MAGI1: variants seen among roughly 807,000 people sequenced by gnomAD.
MAGI1 encodes membrane-associated guanylate kinase, WW and PDZ domain-containing protein 1.
Under a neutral mutation model 139.9 loss-of-function variants are expected in MAGI1, and 58 were observed. The ratio of observed to expected loss-of-function variants is 0.41; its 90% CI spans 0.34 to 0.52. MAGI1 has a LOEUF of 0.52. Among genes scored for constraint, MAGI1 ranks in the 20% least tolerant of loss-of-function variants. The pLI, the probability that MAGI1 is intolerant of heterozygous loss-of-function variation, is 0.12. For missense variants in MAGI1, 1,874 were observed against 1,901.6 expected (o/e 0.99, Z 0.27); for synonymous variants, 812 against 737.9 (o/e 1.10, Z -1.63).
intron 9 of MAGI1, 96 bp downstream of exon 9, chr3:65,439,783 T>A: frequency 1.9e-6 from 3 of 1,581,526 alleles, no homozygotes; most frequent in Middle Eastern, 4.6e-4. Flanking sequence ...GAGGACTCAA[T>A]CATCGAGGCC....
intron 1 of MAGI1, among the ~76,000 whole-genome samples, chr3:65,792,988 T>C (rs1226462742): frequency 5.3e-5 from 8 of 152,146 alleles, no homozygotes; most frequent in African/African-American, 1.7e-4. Context: ...GTAGGAGAAA[T>C]AGGGCATTTG....
intron 2 of MAGI1, among the ~76,000 whole-genome samples, chr3:65,568,055 A>G (rs1006553448): frequency 2.6e-5 from 4 of 152,166 alleles, no homozygotes; most frequent in African/African-American, 9.7e-5. Context: ...CTTTCAAAGC[A>G]CAGTCCTAAG....
intron 1 of MAGI1, among the ~76,000 whole-genome samples, chr3:65,957,212 T>G (rs1288513382): frequency 6.6e-6 from 1 of 151,898 alleles, no homozygotes; most frequent in Non-Finnish European, 1.5e-5. Context: ...CATGCTATAG[T>G]ATTATACAGA....
chr3:65,964,433 G>A (rs2064631005), intron 1 of MAGI1, among the ~76,000 whole-genome samples: 1 of 147,212 alleles, frequency 6.8e-6, no homozygotes, highest in Non-Finnish European at 1.5e-5. Flanking sequence ...GTCATAGAGA[G>A]AAGAACACTT....
At chr3:65,968,472 T>A (rs574870348) in intron 1 of MAGI1, among the ~76,000 whole-genome samples, 2 of 152,058 alleles carry the variant, frequency 1.3e-5, no homozygotes, top group African/African-American at 4.8e-5. Flanking sequence ...TTGGTGCTGA[T>A]GGAAAAAGAG....
At chr3:65,610,257 T>C (rs1293644177) in intron 2 of MAGI1, among the ~76,000 whole-genome samples, 2 of 151,860 alleles carry the variant, frequency 1.3e-5, no homozygotes, top group African/African-American at 4.9e-5. Context: ...AGCTCGCCTC[T>C]GGGAGAACTA....
In MAGI1 at chr3:65,375,959, G is replaced by A. The variant is rs767102982; in HGVS notation, c.2996-14C>T. 4 of 1,605,450 alleles carry A rather than the reference G, an allele frequency of 2.5e-6. No individual in the cohort carries two copies. The highest frequency in any genetic ancestry group is 3.4e-6 in the Non-Finnish European group (4 of 1,173,846). ...CACATGCATTGCCTGCTTTGATATT[G>A]AGTTTTAATTTTTTTAAAGTTACGT... On this transcript the variant is annotated splice_polypyrimidine_tract_variant and intron_variant, in intron 17 of 22. Transcript: ENST00000402939.
At chr3:66,022,234 C>T (rs1054633468) in intron 1 of MAGI1, among the ~76,000 whole-genome samples, 4 of 152,118 alleles carry the variant, frequency 2.6e-5, no homozygotes, top group African/African-American at 9.7e-5. Context: ...ACATTTTTAG[C>T]TAAAATGTCG....
At chr3:65,851,520 G>C (rs1408085841) in intron 1 of MAGI1, among the ~76,000 whole-genome samples, 1 of 152,102 alleles carries the variant, frequency 6.6e-6, no homozygotes, top group Non-Finnish European at 1.5e-5. Flanking sequence ...AGGCCGAGGT[G>C]GGCGGATCAC....
rs571060062 is a variant in MAGI1 at position 65,379,553 on chromosome 3, C to T, written c.2703G>A (p.Val901=). ...LTVRRKVVFA[V]PKTENEVPSP... ...AGGGCACCTCGTTCTCGGTTTTGGG[C>T]ACTGTAGCAGAGAGATGCACGCGTA... The change falls in exon 17 of 23, where the codon GTG becomes GTA. Residue 901 remains valine (V), a splice_region_variant and synonymous_variant. Transcript: ENST00000402939. 2 of 1,607,842 alleles carry T rather than the reference C, an allele frequency of 1.2e-6. No individual in the cohort carries two copies. Among genetic ancestry groups the T allele is most frequent in the Admixed American group, 3.3e-5 (2 of 59,884 alleles).
intron 1 of MAGI1, among the ~76,000 whole-genome samples, chr3:65,953,376 T>G (rs2063958499): frequency 6.6e-6 from 1 of 152,160 alleles, no homozygotes; most frequent in Non-Finnish European, 1.5e-5. Flanking sequence ...TTTCCACTCT[T>G]ATCTAAAATA....
At chr3:65,997,639 G>A (rs2066520194) in intron 1 of MAGI1, among the ~76,000 whole-genome samples, 1 of 152,068 alleles carries the variant, frequency 6.6e-6, no homozygotes, top group African/African-American at 2.4e-5. Context: ...CTGGGCGACA[G>A]AGCAAGACTC....
chr3:65,983,648 C>T (rs569852969), intron 1 of MAGI1, among the ~76,000 whole-genome samples: 1 of 152,288 alleles, frequency 6.6e-6, no homozygotes, highest in South Asian at 2.1e-4. Flanking sequence ...TTCCCCACCC[C>T]TCCTTATCTC....
chr3:65,389,829 T>C (rs1184622536), intron 14 of MAGI1, among the ~76,000 whole-genome samples: 3 of 152,200 alleles, frequency 2.0e-5, no homozygotes, highest in Non-Finnish European at 4.4e-5. Context: ...GCCTATTTAA[T>C]TCCATGCATT....
intron 1 of MAGI1, among the ~76,000 whole-genome samples, chr3:65,716,885 G>T (rs1310700185): frequency 6.6e-6 from 1 of 152,180 alleles, no homozygotes; most frequent in Non-Finnish European, 1.5e-5. Flanking sequence ...GCAGCAACTG[G>T]AAGTCAAATC....
At position 65,499,110 on chromosome 3, in the gene MAGI1, C is replaced by G. The variant is rs954466360; in HGVS notation, c.431-5479G>C. ...CATATGCTTTGAAAAACTATCTAGT[C>G]AACTCCACGATTTGTTTTAAAAATT... is the stretch of plus-strand genomic sequence containing the variant. On this transcript the variant is annotated intron_variant, in intron 2 of 22. Transcript: ENST00000402939. The G allele has an allele frequency of 6.2e-6, 5 of 812,082 alleles. No individual in the cohort carries two copies. In the African/African-American group the frequency reaches 9.4e-5, roughly 15 times the overall value. The allele number at this position is 812,082 out of a possible 1,614,324, so 50.3% of individuals were successfully genotyped here. A position where few individuals can be genotyped will look rare whatever the true frequency, so the allele number is the denominator to read the frequency against.
At chr3:65,379,633 C>T in intron 16 of MAGI1, 79 bp from the exon 17 acceptor site, 1 of 1,537,726 alleles carries the variant, frequency 6.5e-7, no homozygotes, top group Non-Finnish European at 8.8e-7. Context: ...CTTCCAGCAA[C>T]TCCTGCTAGA....
intron 3 of MAGI1, among the ~76,000 whole-genome samples, chr3:65,485,618 G>C (rs1430555886): frequency 6.6e-6 from 1 of 152,192 alleles, no homozygotes; most frequent in Non-Finnish European, 1.5e-5. Context: ...TAGGGTTAAT[G>C]TGTAAAAGAG....
At chr3:65,585,392 A>G (rs977429303) in intron 2 of MAGI1, among the ~76,000 whole-genome samples, 5 of 152,256 alleles carry the variant, frequency 3.3e-5, no homozygotes, top group Admixed American at 6.5e-5. Flanking sequence ...AAATATACAG[A>G]TGGCAAATAA....
Sources: gnomAD v4.1 joint callset for allele counts (sites outside exome capture counted in the v4.1 genomes callset) on GRCh38, gnomAD v4.1.1 for gene constraint, MANE v1.5 for transcripts, NCBI Gene and HGNC (gene_info 2026-07-23, HGNC 2026-07-21) for gene names.